The following OTOF variants were observed in gnomAD, a reference collection of about 807,000 sequenced individuals.
OTOF encodes the protein fer-1-like family member 2.
A neutral mutation model predicts 236.8 loss-of-function variants in OTOF; 218 were observed. That is an observed-to-expected ratio of 0.92 (90% CI 0.82 to 1.03). OTOF has a LOEUF of 1.03. Among genes scored for constraint, OTOF ranks in the 50% least tolerant of loss-of-function variants. The probability of loss-of-function intolerance (pLI) is 0.00; values close to 1 mark genes in which losing one functional copy is unlikely to be tolerated. For synonymous variants in OTOF, 1,041 were observed against 1,072.5 expected (o/e 0.97, Z 0.57); for missense variants, 2,590 against 2,694.4 (o/e 0.96, Z 0.86).
Position 26,470,554 on chromosome 2 carries a change from G to T in OTOF, c.4023+39C>A. On this transcript the variant is annotated intron_variant, in intron 32 of 46. Coordinates refer to ENST00000272371, the MANE Select transcript of OTOF (RefSeq NM_194248.3). The surrounding 1 kb of genome is among the most constrained non-coding windows in gnomAD (Gnocchi z 4.3). ...AAGCTGGACAGGAGGGTCTGAGTGTGGAGGGGGTCACCTCCCCTCACCCTA... is the reference window on the plus strand; with the variant it reads ...AAGCTGGACAGGAGGGTCTGAGTGTTGAGGGGGTCACCTCCCCTCACCCTA... The T allele has an allele frequency of 2.5e-6, 4 of 1,596,088 alleles. No individual in the cohort carries two copies. Among genetic ancestry groups the T allele is most frequent in the Non-Finnish European group, 3.4e-6 (4 of 1,163,664 alleles).
chr2:26,540,725 G>A (rs1208622849), intron 1 of OTOF, among the ~76,000 whole-genome samples: 4 of 151,792 alleles, frequency 2.6e-5, no homozygotes, highest in South Asian at 4.1e-4. Context: ...GTGTGTGTTC[G>A]TGTGTGTGTT....
chr2:26,458,321 GC>G, intron 46 of OTOF, 101 bp from the exon 47 acceptor site: 1 of 1,202,386 alleles, frequency 8.3e-7, no homozygotes, highest in Non-Finnish European at 1.2e-6. Context: ...CCCTGCCATG[GC>G]CCCAGCCCCA....
At position 26,484,568 on chromosome 2, in the gene OTOF, C is replaced by T. The variant is rs879255246; in HGVS notation, c.1111G>A (p.Gly371Ser). 1 of 1,613,950 alleles carries T rather than the reference C, an allele frequency of 6.2e-7. No individual in the cohort carries two copies. Among genetic ancestry groups the T allele is most frequent in the Non-Finnish European group, 8.5e-7 (1 of 1,179,992 alleles). ...ACGGCAACGTCACACTTCACGTAGCCCTTCAGCCCCGAGGAGATGTCATCG... is the reference window on the plus strand; with the variant it reads ...ACGGCAACGTCACACTTCACGTAGCTCTTCAGCCCCGAGGAGATGTCATCG... ...DPDDISSGLK[G>S]YVKCDVAVVG... Residue 371 changes from glycine to serine, a missense_variant, in exon 12 of 47, where the codon GGC becomes AGC. Physicochemically the swap from Gly to Ser is moderately conservative, Grantham distance 56 (BLOSUM62 0). Coordinates refer to ENST00000272371, the MANE Select transcript of OTOF (RefSeq NM_194248.3).
At chr2:26,536,932 G>A (rs113161195) in intron 2 of OTOF, among the ~76,000 whole-genome samples, 5 of 152,250 alleles carry the variant, frequency 3.3e-5, no homozygotes, top group African/African-American at 9.6e-5. Flanking sequence ...TCGAGCTGGT[G>A]TGTGTGTGTG....
intron 5 of OTOF, among the ~76,000 whole-genome samples, chr2:26,504,432 C>T (rs995290725): frequency 2.6e-5 from 4 of 152,168 alleles, no homozygotes; most frequent in Admixed American, 2.0e-4. Context: ...CCAACCTCTC[C>T]GTGTTCTGGG....
Position 26,479,263 on chromosome 2 carries a change from C to T in OTOF, c.2214+1G>A. 1 of 1,612,604 alleles carries T rather than the reference C, an allele frequency of 6.2e-7. No homozygotes were observed. Among genetic ancestry groups the T allele is most frequent in the Non-Finnish European group, 8.5e-7 (1 of 1,179,902 alleles). The stretch of plus-strand genomic sequence containing the variant: ...CTGCTGGCCCCTGGCCTGGCCCTGA[C>T]CAGCTTGTCGGCAATGTGGTCCATG... On this transcript the variant is annotated splice_donor_variant, in intron 18 of 46. Transcript: ENST00000272371. LOFTEE classifies it high-confidence loss of function.
chr2:26,473,225 G>C lies in OTOF; in HGVS notation c.3640C>G (p.Arg1214Gly), dbSNP rs754923389. The C allele has an allele frequency of 1.9e-6, 3 of 1,613,322 alleles. No individual in the cohort carries two copies. The highest frequency in any genetic ancestry group is 2.5e-6 in the Non-Finnish European group (3 of 1,180,006). Residue 1214 changes from arginine to glycine, a missense_variant, in exon 29 of 47, where the codon CGC (arginine) becomes GGC (glycine). Transcript: ENST00000272371. This position sits in a 1 kb window ranked among gnomAD's most constrained non-coding sequence, Gnocchi z 7.2. ...IRVVDCRAFGRYTLVGSHAVS... is the reference protein window; with the variant it reads ...IRVVDCRAFGGYTLVGSHAVS... ...GCATGGGAGCCCACCAGTGTGTAGC[G>C]ACCGAAGGCCCGGCAGTCCACCACA...
chr2:26,469,677 T>C (rs188097742), intron 32 of OTOF, among the ~76,000 whole-genome samples: 3 of 152,366 alleles, frequency 2.0e-5, no homozygotes, highest in Admixed American at 2.0e-4. Context: ...TCTTAGTCCT[T>C]GACACCACTG....
At chr2:26,480,711 T>C (rs1031535936) in intron 15 of OTOF, 75 bp downstream of exon 15, 1 of 1,281,218 alleles carries the variant, frequency 7.8e-7, no homozygotes. Context: ...AGGCAAAGCC[T>C]GGGACCCAGG....
chr2:26,476,829 G>A (rs979851100), intron 22 of OTOF, 62 bp downstream of exon 22: 14 of 1,482,266 alleles, frequency 9.4e-6, no homozygotes, highest in Non-Finnish European at 1.2e-5. Flanking sequence ...TCCAGCCCCA[G>A]GTGGGGGCTG....
In OTOF at chr2:26,466,064, G is replaced by A. The variant is rs61736278; in HGVS notation, c.4513C>T (p.His1505Tyr). ...GCTTTGCCGTTGATGTCAGCAGGGTGCAGGTCCGTGGCCTGGAATGGGGAG... is the reference window on the plus strand; with the variant it reads ...GCTTTGCCGTTGATGTCAGCAGGGTACAGGTCCGTGGCCTGGAATGGGGAG... ...RVYVVRATDL[H>Y]PADINGKADP... is the part of the protein sequence containing the mutation. Residue 1505 changes from histidine (H) to tyrosine (Y), a missense_variant, in exon 37 of 47, where the codon CAC (histidine) becomes TAC (tyrosine). Transcript: ENST00000272371. The A allele has an allele frequency of 6.2e-7, 1 of 1,614,208 alleles. No homozygotes were observed. The highest frequency in any genetic ancestry group is 8.5e-7 in the Non-Finnish European group (1 of 1,180,034).
At chr2:26,525,239 C>T (rs534690467) in intron 3 of OTOF, among the ~76,000 whole-genome samples, 2 of 152,174 alleles carry the variant, frequency 1.3e-5, no homozygotes, top group Non-Finnish European at 2.9e-5. Context: ...CTGAAATGCC[C>T]TTGCCCCATA....
chr2:26,461,803 G>A lies in OTOF; in HGVS notation c.5426C>T (p.Ser1809Phe). The A allele has an allele frequency of 6.2e-7, 1 of 1,614,190 alleles. No individual in the cohort carries two copies. ...YLAAEEKIVI[S>F]KKESMFSWDE... ...CCAGGAGAACATGGACTCCTTCTTG[G>A]AGATGACGATCTTCTCCTCCGCCGC... The change falls in exon 43 of 47, where the codon TCC (serine) becomes TTC (phenylalanine). Residue 1809 changes from serine (S) to phenylalanine (F), a missense_variant. By Grantham distance (155) the Ser-to-Phe change is radical (BLOSUM62 -2). This residue lies in a region of OTOF where 1,211 missense variants were observed against 1,352.8 expected (regional missense o/e 0.90). Coordinates refer to ENST00000272371, the MANE Select transcript of OTOF (RefSeq NM_194248.3). This position sits in a 1 kb window ranked among gnomAD's most constrained non-coding sequence, Gnocchi z 6.2.
At chr2:26,534,636 C>T (rs138638840) in intron 2 of OTOF, among the ~76,000 whole-genome samples, 68 of 152,300 alleles carry the variant, frequency 4.5e-4, no homozygotes, top group South Asian at 1.2e-3. Flanking sequence ...GAGACATTTG[C>T]TTTCTTGTCT....
intron 3 of OTOF, among the ~76,000 whole-genome samples, chr2:26,522,064 C>T (rs570696973): frequency 1.3e-5 from 2 of 152,148 alleles, no homozygotes; most frequent in Non-Finnish European, 2.9e-5. Context: ...TGCACAGCCT[C>T]GCACAGCCAG....
chr2:26,547,979 C>T (rs998737370), intron 1 of OTOF, among the ~76,000 whole-genome samples: 1 of 152,142 alleles, frequency 6.6e-6, no homozygotes, highest in Non-Finnish European at 1.5e-5. Context: ...TATGGAGGCT[C>T]TTTGGATTTT....
rs111455805 is a variant in OTOF, at chr2:26,523,268, G to A, written c.228-4159C>T. ...TTTCTTTCTCATGGGGAAGCCCAAG[G>A]TTCCTGGACACAGGTCTTTGTTCCA... On this transcript the variant is annotated intron_variant, in intron 3 of 46. Transcript: ENST00000272371. 7.5e-3 allele frequency among the ~76,000 whole-genome samples: 1,139 copies of A among 152,342 alleles called. 15 individuals are homozygous for A. The highest frequency in any genetic ancestry group is 0.025 in the African/African-American group (1,039 of 41,570).
chr2:26,499,710 C>T (rs1224961229), intron 8 of OTOF, among the ~76,000 whole-genome samples: 4 of 152,172 alleles, frequency 2.6e-5, no homozygotes, highest in Admixed American at 6.6e-5. Context: ...GGGGTTTCAC[C>T]ATGTTGGCCA....
intron 1 of OTOF, among the ~76,000 whole-genome samples, chr2:26,550,218 C>G (rs1324181788): frequency 2.6e-5 from 4 of 152,094 alleles, no homozygotes; most frequent in Non-Finnish European, 5.9e-5. Context: ...CAGCGTCTAG[C>G]AGGTGGATCA....
Sources: gnomAD v4.1 joint callset for allele counts (sites outside exome capture counted in the v4.1 genomes callset) on GRCh38, gnomAD v4.1.1 for gene constraint, gnomAD v4.1.1 regional missense constraint, Gnocchi (gnomAD v3.1) non-coding constraint, MANE v1.5 for transcripts, NCBI Gene and HGNC (gene_info 2026-07-23, HGNC 2026-07-21) for gene names.